The following AOPEP variants were observed in gnomAD, a reference collection of about 807,000 sequenced individuals.
The protein encoded by AOPEP is aminopeptidase O (putative), also known as aminopeptidase O.
Under a neutral mutation model 98.1 loss-of-function variants are expected in AOPEP, and 77 were observed. That is an observed-to-expected ratio of 0.78 (90% CI 0.65 to 0.95). AOPEP has a LOEUF of 0.95. Among genes scored for constraint, AOPEP ranks in the 40% least tolerant of loss-of-function variants. The probability of loss-of-function intolerance (pLI) is 0.00; values close to 1 mark genes in which losing one functional copy is unlikely to be tolerated. For missense variants in AOPEP, 1,024 were observed against 1,024.7 expected, an observed-to-expected ratio of 1.00 and a Z score of 0.01; for synonymous variants, 346 against 365.3, an observed-to-expected ratio of 0.95 and a Z score of 0.60.
the AOPEP span, among the ~76,000 whole-genome samples, chr9:95,124,766 G>C: frequency 1.3e-5 from 2 of 152,192 alleles, no homozygotes; most frequent in Non-Finnish European, 2.9e-5. Flanking sequence ...ATGCAGCCAG[G>C]GGGCAGTGTC....
intron 3 of AOPEP, among the ~76,000 whole-genome samples, chr9:94,785,356 G>A (rs1263761417): frequency 1.3e-5 from 2 of 152,252 alleles, no homozygotes; most frequent in African/African-American, 4.8e-5. Flanking sequence ...AGATGAAAAT[G>A]TCTATTTGGG....
chr9:94,991,685 T>C (rs2060900847), intron 11 of AOPEP, among the ~76,000 whole-genome samples: 2 of 152,238 alleles, frequency 1.3e-5, no homozygotes, highest in Non-Finnish European at 2.9e-5. Flanking sequence ...TGTTTGTTCC[T>C]ATTCTTTCAC....
chr9:94,917,064 C>T (rs762920338), intron 5 of AOPEP, among the ~76,000 whole-genome samples: 3 of 151,596 alleles, frequency 2.0e-5, no homozygotes, highest in Non-Finnish European at 4.4e-5. Context: ...AACCTGCCCC[C>T]ACCCCACCCC....
In AOPEP at chr9:94,928,498, T is replaced by C; in HGVS notation, c.1628T>C (p.Met543Thr). Residue 543 changes from methionine to threonine, a missense_variant, in exon 7 of 17, where the codon ATG becomes ACG. By Grantham distance (81) the Met-to-Thr change is moderately conservative (BLOSUM62 -1). Coordinates refer to ENST00000375315, the MANE Select transcript of AOPEP (RefSeq NM_001193329.3). ...CLRWRRLQDE[M>T]QCSPEEMQVL... ...CGCTGGCGTCGCCTCCAGGACGAGA[T>C]GCAATGCTCCCCCGAGGAGATGCAG... 1 of 1,550,830 alleles carries C rather than the reference T, an allele frequency of 6.4e-7. No individual in the cohort carries two copies.
chr9:95,006,901 ATTTTT>A (rs559290637), intron 13 of AOPEP, among the ~76,000 whole-genome samples: 1 of 128,760 alleles, frequency 7.8e-6, no homozygotes. Flanking sequence ...GTTGCTGTTA[ATTTTT>A]TTTTTTTTTT....
At chr9:94,771,486 C>T (rs1393604366) in intron 2 of AOPEP, among the ~76,000 whole-genome samples, 1 of 152,140 alleles carries the variant, frequency 6.6e-6, no homozygotes, top group Non-Finnish European at 1.5e-5. Context: ...GATAAGCGTA[C>T]AGCAACTGCC....
chr9:95,041,446 G>GGGTGTGTGTGTGT (rs1554813291), intron 13 of AOPEP, among the ~76,000 whole-genome samples: 1 of 142,012 alleles, frequency 7.0e-6, no homozygotes, highest in Non-Finnish European at 1.5e-5. Flanking sequence ...AGTCCTTGGG[G>GGGTGTGTGTGTGT]GTGTGTGTGT....
At chr9:94,941,078 A>C (rs1041223221) in intron 7 of AOPEP, among the ~76,000 whole-genome samples, 1 of 152,254 alleles carries the variant, frequency 6.6e-6, no homozygotes, top group African/African-American at 2.4e-5. Flanking sequence ...AGAGATGCTC[A>C]AGCAAATCGC....
intron 2 of AOPEP, among the ~76,000 whole-genome samples, chr9:94,772,014 C>T (rs1235945332): frequency 3.9e-5 from 6 of 152,162 alleles, no homozygotes; most frequent in Non-Finnish European, 7.3e-5. Context: ...TGTTTTCTCG[C>T]ACACTGTGTG....
intron 2 of AOPEP, among the ~76,000 whole-genome samples, chr9:94,769,820 G>T (rs1448229022): frequency 6.6e-6 from 1 of 152,128 alleles, no homozygotes; most frequent in Non-Finnish European, 1.5e-5. Flanking sequence ...GATGCACAAT[G>T]GCAGAAAGAG....
At chr9:94,929,477 G>A (rs1196937007) in intron 7 of AOPEP, among the ~76,000 whole-genome samples, 1 of 152,266 alleles carries the variant, frequency 6.6e-6, no homozygotes, top group African/African-American at 2.4e-5. Flanking sequence ...GAATGTTGGG[G>A]TATGGCAAGC....
At chr9:94,961,017 A>C (rs1014127957) in intron 9 of AOPEP, among the ~76,000 whole-genome samples, 1 of 151,762 alleles carries the variant, frequency 6.6e-6, no homozygotes, top group Non-Finnish European at 1.5e-5. Context: ...CTGTCTCAAA[A>C]AAAAAAAAAA....
chr9:94,732,403 C>T (rs1830764716), intron 1 of AOPEP, among the ~76,000 whole-genome samples: 1 of 152,148 alleles, frequency 6.6e-6, no homozygotes, highest in African/African-American at 2.4e-5. Context: ...CATCATTAGT[C>T]TTGTCACTGA....
chr9:94,979,936 G>A (rs1025787842), intron 11 of AOPEP, among the ~76,000 whole-genome samples: 3 of 152,198 alleles, frequency 2.0e-5, no homozygotes, highest in Non-Finnish European at 2.9e-5. Flanking sequence ...TCTGCATTGG[G>A]CTCCTGTCTC....
intron 13 of AOPEP, among the ~76,000 whole-genome samples, chr9:95,050,335 A>T (rs1048220438): frequency 6.6e-6 from 1 of 152,192 alleles, no homozygotes; most frequent in Non-Finnish European, 1.5e-5. Context: ...TTTCAGTAGC[A>T]TGAATTTCCT....
intron 4 of AOPEP, among the ~76,000 whole-genome samples, chr9:94,797,415 G>A (rs1222093212): frequency 6.9e-6 from 1 of 144,192 alleles, no homozygotes; most frequent in African/African-American, 2.5e-5. Flanking sequence ...TGGCAATAGA[G>A]CAAGACTCCG....
chr9:95,146,707 A>G, the AOPEP span, among the ~76,000 whole-genome samples: 1 of 151,970 alleles, frequency 6.6e-6, no homozygotes, highest in East Asian at 1.9e-4. Flanking sequence ...GTGGATTCAC[A>G]GTGTTTTCAA....
intron 13 of AOPEP, among the ~76,000 whole-genome samples, chr9:95,041,446 G>GGGTGT (rs1554813291): frequency 1.4e-5 from 2 of 142,106 alleles, no homozygotes; most frequent in Admixed American, 7.0e-5. Flanking sequence ...AGTCCTTGGG[G>GGGTGT]GTGTGTGTGT....
At chr9:95,068,808 A>G (rs932904528) in intron 14 of AOPEP, among the ~76,000 whole-genome samples, 1 of 152,324 alleles carries the variant, frequency 6.6e-6, no homozygotes, top group African/African-American at 2.4e-5. Flanking sequence ...ATCAGAAGAA[A>G]TAGCCACTGA....
Sources: gnomAD v4.1 joint callset for allele counts (sites outside exome capture counted in the v4.1 genomes callset) on GRCh38, gnomAD v4.1.1 for gene constraint, MANE v1.5 for transcripts, NCBI Gene and HGNC (gene_info 2026-07-23, HGNC 2026-07-21) for gene names.